Variants in IHO1 observed in about 807,000 individuals in gnomAD.
The protein encoded by IHO1 is interactor of HORMAD1 1.
IHO1 carries 13 observed loss-of-function variants against 31.0 expected under a neutral mutation model. The observed-to-expected ratio is 0.42, with a 90% CI of 0.27 to 0.67. The LOEUF (loss-of-function observed/expected upper bound fraction) is 0.67. Among genes scored for constraint, IHO1 ranks in the 30% least tolerant of loss-of-function variants. IHO1 has a pLI of 0.24. For missense variants in IHO1, 599 were observed against 687.5 expected (o/e 0.87, Z 1.44); for synonymous variants, 221 against 248.4 (o/e 0.89, Z 1.04).
chr3:49,237,295 C>T (rs1055567246), intron 3 of IHO1, among the ~76,000 whole-genome samples: 4 of 151,830 alleles, frequency 2.6e-5, no homozygotes, highest in African/African-American at 4.8e-5. Context: ...TGCAGTGAGC[C>T]GAGATCAAAC....
intron 2 of IHO1, among the ~76,000 whole-genome samples, chr3:49,226,673 T>G (rs973558828): frequency 6.6e-6 from 1 of 152,182 alleles, no homozygotes; most frequent in African/African-American, 2.4e-5. Flanking sequence ...ACCAGGTATC[T>G]CCAAACTCTT....
At chr3:49,194,648 C>T (rs1188363901), upstream of IHO1, among the ~76,000 whole-genome samples, 1 of 150,062 alleles carries the variant, frequency 6.7e-6, no homozygotes, top group Non-Finnish European at 1.5e-5. Flanking sequence ...GTAATCCCAG[C>T]ACTTTGGGAG....
At chr3:49,210,403 A>AT (rs1423860958) in intron 1 of IHO1, among the ~76,000 whole-genome samples, 274 of 145,534 alleles carry the variant, frequency 1.9e-3, no homozygotes, top group Middle Eastern at 3.5e-3. Context: ...CACCCTGCTA[A>AT]TTTTTTTTTT....
At chr3:49,194,633 T>C (rs543596936), upstream of IHO1, among the ~76,000 whole-genome samples, 3 of 147,126 alleles carry the variant, frequency 2.0e-5, no homozygotes, top group Non-Finnish European at 4.5e-5. Flanking sequence ...TGGTGGCTCA[T>C]GCCTGTAATC....
chr3:49,224,110 G>T (rs971055112), intron 2 of IHO1, among the ~76,000 whole-genome samples: 2 of 152,198 alleles, frequency 1.3e-5, no homozygotes, highest in African/African-American at 4.8e-5. Flanking sequence ...GTATTTTCTG[G>T]TGTCTGGCTT....
In IHO1 at chr3:49,244,411, C is replaced by G. The variant is rs376812919; in HGVS notation, c.403C>G (p.Leu135Val). 4.5e-6 allele frequency: 7 copies of G among 1,551,032 alleles called. No homozygotes were observed. The East Asian group carries it at 9.0e-5, about 20-fold the overall frequency. ...TTTTCCCTCCTATTCTAGTGAGACT[C>G]TATACAACTTTGTTTCTAATGTTAG... ...RAKDKCDSET[L>V]YNFVSNVRES... The change falls in exon 5 of 8, where the codon CTA (leucine) becomes GTA (valine). Residue 135 changes from leucine (L) to valine (V), a missense_variant. Transcript: ENST00000452691.
intron 2 of IHO1, among the ~76,000 whole-genome samples, chr3:49,228,953 T>G (rs1455310591): frequency 1.3e-5 from 2 of 152,184 alleles, no homozygotes; most frequent in African/African-American, 4.8e-5. Context: ...AGATGACTGG[T>G]CCATTTTACA....
intron 3 of IHO1, 124 bp downstream of exon 3, chr3:49,236,846 C>A: frequency 1.1e-6 from 1 of 884,038 alleles, no homozygotes; most frequent in Non-Finnish European, 1.7e-6. Flanking sequence ...CTTGGGGAGG[C>A]TGAGGCAAGT....
rs1190535651 is a variant in IHO1 at position 49,257,431 on chromosome 3, G to A, written c.*149G>A. ...GGGCAATGAGCACGAGGGCAGGGAA[G>A]GTCCAGCATTCTGGGTACCAGGTGC... On this transcript the variant is annotated 3_prime_UTR_variant, in exon 8 of 8. Coordinates refer to ENST00000452691, the MANE Select transcript of IHO1 (RefSeq NM_001135197.2). The A allele has an allele frequency of 2.7e-6, 2 of 736,838 alleles. No homozygotes were observed. Among genetic ancestry groups the A allele is most frequent in the African/African-American group, 3.5e-5 (2 of 57,158 alleles). The allele number at this position is 736,838 out of a possible 1,614,324, so 45.6% of individuals were successfully genotyped here. A position where few individuals can be genotyped will look rare whatever the true frequency, so the allele number is the denominator to read the frequency against.
chr3:49,191,699 C>T, the IHO1 span: 2 of 1,587,778 alleles, frequency 1.3e-6, no homozygotes, highest in Non-Finnish European at 8.5e-7. Flanking sequence ...ATTTCAGGTA[C>T]AACCAGAGGG....
intron 2 of IHO1, among the ~76,000 whole-genome samples, chr3:49,217,995 G>A (rs1366517656): frequency 1.3e-5 from 2 of 152,190 alleles, no homozygotes; most frequent in East Asian, 3.9e-4. Flanking sequence ...AAGAACATTT[G>A]GGGGTCTGTA....
chr3:49,244,477 GT>G, intron 5 of IHO1, 25 bp downstream of exon 5: 1 of 1,482,296 alleles, frequency 6.7e-7, no homozygotes, highest in Non-Finnish European at 9.3e-7. Flanking sequence ...TTTTCAAGGA[GT>G]TAGAACATCT....
At chr3:49,192,475 C>T in the IHO1 span, among the ~76,000 whole-genome samples, 1 of 152,184 alleles carries the variant, frequency 6.6e-6, no homozygotes, top group Admixed American at 6.5e-5. Context: ...GACAATCAGC[C>T]TCTAAACATG....
chr3:49,210,048 A>G, intron 1 of IHO1, among the ~76,000 whole-genome samples: 1 of 145,686 alleles, frequency 6.9e-6, no homozygotes, highest in South Asian at 2.1e-4. Flanking sequence ...TTTTTTTAAG[A>G]GACAGGGTCT....
intron 2 of IHO1, chr3:49,228,455 T>G: frequency 2.8e-6 from 1 of 354,704 alleles, no homozygotes; most frequent in South Asian, 2.2e-5. Flanking sequence ...CCCTGAATTC[T>G]AAGGAAAAAT....
chr3:49,242,812 A>C (rs914894528), intron 4 of IHO1, among the ~76,000 whole-genome samples: 1 of 152,182 alleles, frequency 6.6e-6, no homozygotes, highest in Non-Finnish European at 1.5e-5. Flanking sequence ...TCTCAAACAA[A>C]CAAGCAAAAA....
At chr3:49,214,551 A>AC in intron 2 of IHO1, among the ~76,000 whole-genome samples, 1 of 139,656 alleles carries the variant, frequency 7.2e-6, no homozygotes, top group Non-Finnish European at 1.5e-5. Context: ...ATTTCTCAAA[A>AC]AAAAAAATGC....
At chr3:49,252,420 T>C (rs1009128875) in intron 6 of IHO1, among the ~76,000 whole-genome samples, 1 of 152,080 alleles carries the variant, frequency 6.6e-6, no homozygotes, top group African/African-American at 2.4e-5. Context: ...TTTTTTCTTT[T>C]CTTTTTTTTT....
chr3:49,191,785 G>C, the IHO1 span: 1 of 1,551,206 alleles, frequency 6.4e-7, no homozygotes, highest in East Asian at 2.4e-5. Context: ...TCCAAGAAGG[G>C]AGCAGAAAAG....
Sources: gnomAD v4.1 joint callset for allele counts (sites outside exome capture counted in the v4.1 genomes callset) on GRCh38, gnomAD v4.1.1 for gene constraint, MANE v1.5 for transcripts, NCBI Gene and HGNC (gene_info 2026-07-23, HGNC 2026-07-21) for gene names.